Variants in GNA12 observed in about 807,000 individuals in gnomAD.
GNA12 encodes the protein G protein subunit alpha 12.
A neutral mutation model predicts 26.0 loss-of-function variants in GNA12; 9 were observed. That is an observed-to-expected ratio of 0.35 (90% CI 0.21 to 0.60). The LOEUF is 0.60. Ranked by LOEUF, GNA12 falls within the 20% of genes least tolerant of loss-of-function variation. The pLI, the probability that GNA12 is intolerant of heterozygous loss-of-function variation, is 0.78. For missense variants in GNA12, 405 were observed against 525.8 expected, an observed-to-expected ratio of 0.77 and a Z score of 2.25; for synonymous variants, 264 against 219.6, an observed-to-expected ratio of 1.20 and a Z score of -1.79.
Position 2,843,987 on chromosome 7 carries a change from T to C in GNA12, c.175A>G (p.Lys59Glu). The C allele has an allele frequency of 6.3e-7, 1 of 1,579,380 alleles. No individual in the cohort carries two copies. Among genetic ancestry groups the C allele is most frequent in the Non-Finnish European group, 8.6e-7 (1 of 1,165,092 alleles). ...TCGCCCGCGCCCAGCAGCAGGATCT[T>C]CACCAGGCGCCGGACCGCGCGCCGC... Reference protein sequence around the residue: ...RERRAVRRLVKILLLGAGESG... With the variant: ...RERRAVRRLVEILLLGAGESG... Residue 59 changes from lysine to glutamate, a missense_variant, in exon 1 of 4, where the codon AAG becomes GAG. Physicochemically the swap from Lys to Glu is moderately conservative, Grantham distance 56. Transcript: ENST00000275364.
intron 1 of GNA12, among the ~76,000 whole-genome samples, chr7:2,814,661 G>C (rs1357004623): frequency 1.5e-5 from 2 of 137,296 alleles, no homozygotes; most frequent in Non-Finnish European, 3.1e-5. Context: ...TCGTGGCATA[G>C]AATCTCAGAG....
intron 1 of GNA12, among the ~76,000 whole-genome samples, chr7:2,828,519 G>A (rs371186333): frequency 7.3e-5 from 11 of 151,528 alleles, no homozygotes; most frequent in East Asian, 2.0e-4. Context: ...ACATCCAGCC[G>A]GTATTGTTAT....
At chr7:2,752,352 C>A (rs1329876179) in intron 2 of GNA12, among the ~76,000 whole-genome samples, 1 of 152,194 alleles carries the variant, frequency 6.6e-6, no homozygotes, top group African/African-American at 2.4e-5. Flanking sequence ...TGGTGGACCA[C>A]TGAGTACTTT....
Position 2,783,322 on chromosome 7 carries a change from T to C in GNA12, c.525+11606A>G, listed in dbSNP as rs191649938. On this transcript the variant is annotated intron_variant, in intron 2 of 3. Coordinates refer to ENST00000275364, the MANE Select transcript of GNA12 (RefSeq NM_007353.3). ...TCCATCGCACAGGGGTTGCCTGGAC[T>C]GCCATGGTGCTAGGTATGTGGGTGA... 5.3e-5 allele frequency among the ~76,000 whole-genome samples: 8 copies of C among 152,332 alleles called. No homozygotes were observed. In the East Asian group the frequency reaches 7.7e-4, roughly 15 times the overall value.
intron 1 of GNA12, among the ~76,000 whole-genome samples, chr7:2,804,907 A>T (rs568605358): frequency 0.027 from 1,137 of 41,804 alleles, 6 homozygotes; most frequent in Middle Eastern, 0.085. Context: ...AAAATAAATT[A>T]AAAAAAAAAA....
chr7:2,784,337 C>G (rs191081208), intron 2 of GNA12, among the ~76,000 whole-genome samples: 4 of 152,274 alleles, frequency 2.6e-5, no homozygotes, highest in Admixed American at 2.6e-4. Context: ...CCAGGCTGGT[C>G]TTGAACTCTG....
At chr7:2,823,957 G>A (rs1341458691) in intron 1 of GNA12, among the ~76,000 whole-genome samples, 5 of 152,150 alleles carry the variant, frequency 3.3e-5, no homozygotes, top group Non-Finnish European at 7.3e-5. Flanking sequence ...ACATGTTAGT[G>A]TCATTACCAT....
intron 2 of GNA12, among the ~76,000 whole-genome samples, chr7:2,763,866 G>T (rs554346908): frequency 4.5e-4 from 68 of 152,344 alleles, no homozygotes; most frequent in African/African-American, 1.6e-3. Flanking sequence ...CTGGCAGAGA[G>T]CGAGGGAGAC....
intron 3 of GNA12, among the ~76,000 whole-genome samples, 161 bp downstream of exon 3, chr7:2,733,290 C>A (rs1227673407): frequency 1.3e-5 from 2 of 152,172 alleles, no homozygotes; most frequent in Non-Finnish European, 2.9e-5. Flanking sequence ...GGGCCCAGAT[C>A]CAAGTGAGAG....
intron 2 of GNA12, among the ~76,000 whole-genome samples, chr7:2,780,208 T>G (rs1303052907): frequency 6.6e-6 from 1 of 151,388 alleles, no homozygotes; most frequent in Non-Finnish European, 1.5e-5. Flanking sequence ...CTCTCTCAGC[T>G]TTTCTAACCG....
At chr7:2,798,260 A>G (rs1792727184) in intron 1 of GNA12, among the ~76,000 whole-genome samples, 1 of 152,224 alleles carries the variant, frequency 6.6e-6, no homozygotes, top group Non-Finnish European at 1.5e-5. Context: ...TTGCAGATAA[A>G]AAGATGATCT....
chr7:2,767,070 T>C (rs1791824987), intron 2 of GNA12, among the ~76,000 whole-genome samples: 2 of 152,238 alleles, frequency 1.3e-5, no homozygotes, highest in Non-Finnish European at 2.9e-5. Context: ...CCTTTGCCCA[T>C]TTTTTAATTG....
intron 2 of GNA12, among the ~76,000 whole-genome samples, chr7:2,738,741 C>T (rs1333928491): frequency 1.3e-5 from 2 of 152,160 alleles, no homozygotes; most frequent in Admixed American, 1.3e-4. Flanking sequence ...ACCAACCCCT[C>T]AAAATTGAAC....
intron 2 of GNA12, among the ~76,000 whole-genome samples, chr7:2,776,299 G>A (rs1324853455): frequency 1.3e-5 from 2 of 152,220 alleles, no homozygotes; most frequent in Non-Finnish European, 1.5e-5. Context: ...CCTGGTGGAA[G>A]AGGCCAGTGC....
intron 1 of GNA12, among the ~76,000 whole-genome samples, chr7:2,829,568 TC>T (rs562470823): frequency 2.0e-5 from 3 of 152,340 alleles, no homozygotes; most frequent in Non-Finnish European, 4.4e-5. Flanking sequence ...GTTAATGCTT[TC>T]TCATACCCTG....
intron 1 of GNA12, among the ~76,000 whole-genome samples, chr7:2,805,595 G>A (rs1436623493): frequency 1.3e-5 from 2 of 152,208 alleles, no homozygotes; most frequent in African/African-American, 4.8e-5. Context: ...AAGATGCCTG[G>A]GCTGCCGCCT....
At chr7:2,737,830 G>A (rs78675010) in intron 2 of GNA12, among the ~76,000 whole-genome samples, 1 of 152,188 alleles carries the variant, frequency 6.6e-6, no homozygotes, top group Non-Finnish European at 1.5e-5. Flanking sequence ...AAATATTAAA[G>A]TTAGCATTTG....
At chr7:2,829,773 C>T (rs1793561112) in intron 1 of GNA12, among the ~76,000 whole-genome samples, 1 of 152,160 alleles carries the variant, frequency 6.6e-6, no homozygotes. Context: ...TTTCCAGCAT[C>T]CCTGTGGTAG....
At chr7:2,842,682 T>C (rs1169656286) in intron 1 of GNA12, among the ~76,000 whole-genome samples, 2 of 152,224 alleles carry the variant, frequency 1.3e-5, no homozygotes, top group African/African-American at 4.8e-5. Context: ...TTGCAATGCA[T>C]GTCGAGTCAC....
Sources: allele counts gnomAD v4.1 joint callset (sites outside exome capture counted in the v4.1 genomes callset), GRCh38; gene constraint gnomAD v4.1.1; transcripts MANE v1.5; gene names NCBI Gene and HGNC (gene_info 2026-07-23, HGNC 2026-07-21).